Variants in ERC2 observed in about 807,000 individuals in gnomAD.
ERC2 encodes ELKS/RAB6-interacting/CAST family member 2.
A neutral mutation model predicts 114.8 loss-of-function variants in ERC2; 42 were observed. The ratio of observed to expected loss-of-function variants is 0.37; its 90% CI spans 0.29 to 0.47. The LOEUF (loss-of-function observed/expected upper bound fraction) is 0.47, where lower values mean the gene tolerates loss of function less well. Ranked by LOEUF, ERC2 falls within the 20% of genes least tolerant of loss-of-function variation. The probability of loss-of-function intolerance (pLI) is 0.99; values close to 1 mark genes in which losing one functional copy is unlikely to be tolerated. For missense variants in ERC2, 939 were observed against 1,150.7 expected (o/e 0.82, Z 2.66); for synonymous variants, 454 against 425.5 (o/e 1.07, Z -0.82).
At position 56,335,010 on chromosome 3, in the gene ERC2, G is replaced by T. The variant is rs2057788247; in HGVS notation, c.658-38575C>A. On this transcript the variant is annotated intron_variant, in intron 2 of 17. Coordinates refer to ENST00000288221, the MANE Select transcript of ERC2 (RefSeq NM_015576.3). Reference sequence around the variant, plus strand: ...AGTAGAGACAGGGTTTCACTACGCTGGTCAGGCTGGTCTTAAACTCCTGAC... The same window carrying T: ...AGTAGAGACAGGGTTTCACTACGCTTGTCAGGCTGGTCTTAAACTCCTGAC... Among the ~76,000 whole-genome samples, 3 of 152,136 alleles carry T rather than the reference G, an allele frequency of 2.0e-5. 1 individual carries two copies. In the South Asian group the frequency reaches 6.2e-4, roughly 32 times the overall value.
intron 4 of ERC2, among the ~76,000 whole-genome samples, chr3:56,152,125 C>G (rs2081443676): frequency 6.6e-6 from 1 of 152,062 alleles, no homozygotes; most frequent in African/African-American, 2.4e-5. Context: ...GTTCACAGAA[C>G]CCAAATGCTC....
chr3:56,061,856 C>T (rs1383030865), intron 7 of ERC2, among the ~76,000 whole-genome samples: 1 of 152,074 alleles, frequency 6.6e-6, no homozygotes, highest in Non-Finnish European at 1.5e-5. Flanking sequence ...CAGTAAACTG[C>T]TATAAAAAGT....
intron 13 of ERC2, among the ~76,000 whole-genome samples, chr3:55,948,094 A>G (rs915718761): frequency 2.0e-5 from 3 of 152,238 alleles, no homozygotes; most frequent in African/African-American, 7.2e-5. Context: ...TAAAAAGCAT[A>G]GTCACTCTAT....
chr3:56,392,318 C>T (rs1468843487), intron 2 of ERC2, among the ~76,000 whole-genome samples: 1 of 152,166 alleles, frequency 6.6e-6, no homozygotes, highest in African/African-American at 2.4e-5. Context: ...ATCTTTGGTT[C>T]TCCATTCTGA....
rs529172281 is a variant in ERC2, at chr3:56,303,624, G to A, written c.658-7189C>T. Among the ~76,000 whole-genome samples the A allele has an allele frequency of 3.9e-4, 59 of 152,362 alleles. No individual in the cohort carries two copies. In the South Asian group the frequency reaches 0.012, roughly 30 times the overall value. ...GGAAGTAAGGGAAATCTCCAAGGGA[G>A]GGGTTGTGGGAGAGAGCACTCTCTG... On this transcript the variant is annotated intron_variant, in intron 2 of 17. Transcript: ENST00000288221.
intron 6 of ERC2, among the ~76,000 whole-genome samples, chr3:56,132,636 CA>C (rs998060129): frequency 6.7e-6 from 1 of 149,742 alleles, no homozygotes; most frequent in Non-Finnish European, 1.5e-5. Flanking sequence ...GACTCCGTCT[CA>C]AAAAAAAAGC....
intron 12 of ERC2, among the ~76,000 whole-genome samples, chr3:55,977,288 AC>A (rs2069667778): frequency 6.6e-6 from 1 of 152,242 alleles, no homozygotes; most frequent in Non-Finnish European, 1.5e-5. Flanking sequence ...ATGACTGAAT[AC>A]ATTTGACTAT....
At chr3:56,439,192 G>C (rs1409209376) in intron 1 of ERC2, among the ~76,000 whole-genome samples, 3 of 152,130 alleles carry the variant, frequency 2.0e-5, no homozygotes, top group Admixed American at 2.0e-4. Context: ...CTGCTGTAAT[G>C]CTAGCTACTG....
intron 12 of ERC2, among the ~76,000 whole-genome samples, chr3:55,971,544 A>G (rs552495803): frequency 1.9e-4 from 29 of 152,288 alleles, no homozygotes; most frequent in Non-Finnish European, 4.0e-4. Context: ...TACAGTGGAC[A>G]ATACTATACA....
intron 2 of ERC2, among the ~76,000 whole-genome samples, chr3:56,353,597 T>C (rs1037241460): frequency 7.5e-6 from 1 of 133,504 alleles, no homozygotes; most frequent in African/African-American, 2.9e-5. Flanking sequence ...TAGGTGGGAA[T>C]TGAACAATGA....
At chr3:56,435,740 T>C (rs6445789) in intron 1 of ERC2, among the ~76,000 whole-genome samples, 151,016 of 152,348 alleles carry the variant, frequency 0.99, 74,856 homozygotes, top group Middle Eastern at 1. Flanking sequence ...AATCAACTGG[T>C]ATTAACACAT....
intron 14 of ERC2, among the ~76,000 whole-genome samples, chr3:55,783,177 T>G (rs1459490163): frequency 6.6e-6 from 1 of 152,114 alleles, no homozygotes; most frequent in Non-Finnish European, 1.5e-5. Flanking sequence ...ATAATTTAGG[T>G]TTTTACAAAT....
rs545201512 is a variant in ERC2, at chr3:55,969,250, T to C, written c.2267+16727A>G. Among the ~76,000 whole-genome samples the C allele has an allele frequency of 2.0e-5, 3 of 152,278 alleles. No homozygotes were observed. The East Asian group carries it at 5.8e-4, about 29-fold the overall frequency. ...CATTTTTCCTTTATGAATTACTGGC[T>C]GTCAAAAATTTGAGAAAGGTCCCAA... On this transcript the variant is annotated intron_variant, in intron 12 of 17. Transcript: ENST00000288221.
At chr3:55,895,615 A>G (rs2063805111) in intron 13 of ERC2, among the ~76,000 whole-genome samples, 2 of 152,140 alleles carry the variant, frequency 1.3e-5, no homozygotes, top group Admixed American at 6.5e-5. Flanking sequence ...CTGGACTGTA[A>G]TCCCTGGAGG....
At chr3:56,227,905 G>A (rs1334097165) in intron 3 of ERC2, among the ~76,000 whole-genome samples, 1 of 152,216 alleles carries the variant, frequency 6.6e-6, no homozygotes, top group Non-Finnish European at 1.5e-5. Flanking sequence ...TAAGCAAGTT[G>A]TGGTATATTC....
Position 56,338,898 on chromosome 3 carries a change from A to G in ERC2, c.658-42463T>C, listed in dbSNP as rs1179041295. The stretch of plus-strand genomic sequence containing the variant: ...GGAAGCATGTCTGCAAATGAACAAA[A>G]TAAAGCTGACAGAAGAGGGCAAAAG... On this transcript the variant is annotated intron_variant, in intron 2 of 17. Coordinates refer to ENST00000288221, the MANE Select transcript of ERC2 (RefSeq NM_015576.3). Among the ~76,000 whole-genome samples the G allele has an allele frequency of 2.6e-5, 4 of 152,346 alleles. No homozygotes were observed. The East Asian group carries it at 7.7e-4, about 29-fold the overall frequency.
rs184243373 is a variant in ERC2, at chr3:56,420,717, C to T, written c.657+13634G>A. 4.9e-3 allele frequency among the ~76,000 whole-genome samples: 730 copies of T among 148,544 alleles called. 3 individuals are homozygous for T. Among genetic ancestry groups the T allele is most frequent in the Non-Finnish European group, 7.9e-3 (530 of 67,220 alleles). On this transcript the variant is annotated intron_variant, in intron 2 of 17. Transcript: ENST00000288221. ...TGGCTAACACGGTGAAACCCCGTCT[C>T]TACTAAAAATACAAAAAAAAAAAAA...
chr3:55,626,664 C>G (rs944872983), intron 17 of ERC2, among the ~76,000 whole-genome samples: 1 of 152,186 alleles, frequency 6.6e-6, no homozygotes, highest in Non-Finnish European at 1.5e-5. Context: ...AACCTCTAAC[C>G]AGACACATGG....
chr3:55,544,575 C>A (rs2054614520), intron 17 of ERC2, among the ~76,000 whole-genome samples: 1 of 152,148 alleles, frequency 6.6e-6, no homozygotes, highest in African/African-American at 2.4e-5. Flanking sequence ...TCTCACTTAC[C>A]AGAGTCACTT....
Sources: gnomAD v4.1 joint callset for allele counts (sites outside exome capture counted in the v4.1 genomes callset) on GRCh38, gnomAD v4.1.1 for gene constraint, MANE v1.5 for transcripts, NCBI Gene and HGNC (gene_info 2026-07-23, HGNC 2026-07-21) for gene names.